The following WASF3 variants were observed in gnomAD, a reference collection of about 807,000 sequenced individuals.
WASF3 encodes WASP family member 3, also known as actin-binding protein WASF3.
WASF3 carries 11 observed loss-of-function variants against 46.6 expected under a neutral mutation model. That is an observed-to-expected ratio of 0.24 (90% CI 0.15 to 0.39). The LOEUF is 0.39. WASF3 is among the 10% of genes least tolerant of loss of function. The pLI is 1.00. For synonymous variants in WASF3, 242 were observed against 259.7 expected (o/e 0.93, Z 0.65); for missense variants, 576 against 669.8 (o/e 0.86, Z 1.55).
intron 7 of WASF3, among the ~76,000 whole-genome samples, chr13:26,678,225 CATT>C (rs1156497021): frequency 6.6e-6 from 1 of 152,068 alleles, no homozygotes; most frequent in Non-Finnish European, 1.5e-5. Context: ...TATAACTCAT[CATT>C]GTATTGGATT....
rs751706388 is a variant in WASF3, at chr13:26,681,348, C to T, written c.983+28C>T. On this transcript the variant is annotated intron_variant, in intron 8 of 9. Transcript: ENST00000335327. The stretch of plus-strand genomic sequence containing the variant: ...AACTCAGCATGCCTTGTACCCTAAT[C>T]CCTCCTGGCCTTGCATTTGAATCTT... 7.9e-6 allele frequency: 12 copies of T among 1,519,972 alleles called. No homozygotes were observed. In the South Asian group the frequency reaches 1.6e-4, roughly 20 times the overall value. 94.2% of individuals were successfully genotyped at this position (1,519,972 alleles called of 1,614,324 possible).
chr13:26,624,093 CAAA>C (rs200574948), intron 2 of WASF3, among the ~76,000 whole-genome samples: 1 of 151,736 alleles, frequency 6.6e-6, no homozygotes, highest in Non-Finnish European at 1.5e-5. Context: ...AATTATGAGA[CAAA>C]AAAGGCAAGA....
chr13:26,653,608 T>C (rs1003048945), intron 3 of WASF3, among the ~76,000 whole-genome samples: 5 of 152,194 alleles, frequency 3.3e-5, no homozygotes, highest in African/African-American at 1.2e-4. Flanking sequence ...ACCTGCACAG[T>C]GGTCCGCCAC....
intron 1 of WASF3, among the ~76,000 whole-genome samples, chr13:26,583,831 C>T (rs896039261): frequency 2.5e-4 from 38 of 152,264 alleles, no homozygotes; most frequent in African/African-American, 7.5e-4. Context: ...GCTACAGCAG[C>T]GGCAGATAGT....
intron 1 of WASF3, among the ~76,000 whole-genome samples, chr13:26,577,943 T>C (rs758331795): frequency 1.1e-4 from 16 of 152,228 alleles, no homozygotes; most frequent in Non-Finnish European, 2.4e-4. Flanking sequence ...GATTTCTTTA[T>C]ATTAATTTGT....
intron 1 of WASF3, among the ~76,000 whole-genome samples, chr13:26,598,810 CT>C (rs1405440277): frequency 1.3e-5 from 2 of 152,210 alleles, no homozygotes; most frequent in African/African-American, 4.8e-5. Context: ...TATTTATACT[CT>C]TTCGATGGCT....
intron 1 of WASF3, among the ~76,000 whole-genome samples, chr13:26,594,446 C>A (rs186496997): frequency 6.6e-6 from 1 of 152,340 alleles, no homozygotes; most frequent in East Asian, 1.9e-4. Context: ...GAGTGATCGT[C>A]AGTTCCTCCG....
chr13:26,667,580 T>C lies in WASF3; in HGVS notation c.332T>C (p.Val111Ala). The C allele has an allele frequency of 6.2e-7, 1 of 1,614,130 alleles. No homozygotes were observed. The highest frequency in any genetic ancestry group is 8.5e-7 in the Non-Finnish European group (1 of 1,179,996). Reference protein sequence around the residue: ...FKSSTVQDQQVVSKNSIPNPV... With the variant: ...FKSSTVQDQQAVSKNSIPNPV... ...AGTTCCACAGTCCAAGACCAGCAAG[T>C]GGTTTCAAAGAACAGCATTCCTAAT... The change falls in exon 5 of 10, where the codon GTG (valine) becomes GCG (alanine). Residue 111 changes from valine (V) to alanine (A), a missense_variant. This residue lies in a region of WASF3 where 213 missense variants were observed against 278.0 expected (regional missense o/e 0.77). Coordinates refer to ENST00000335327, the MANE Select transcript of WASF3 (RefSeq NM_006646.6).
At chr13:26,605,920 A>G (rs937465529) in intron 1 of WASF3, among the ~76,000 whole-genome samples, 31 of 152,236 alleles carry the variant, frequency 2.0e-4, no homozygotes, top group Middle Eastern at 3.4e-3. Context: ...TTGTTTGCTC[A>G]TTTGTTTACT....
intron 1 of WASF3, among the ~76,000 whole-genome samples, chr13:26,560,342 A>G (rs940693770): frequency 1.3e-5 from 2 of 152,182 alleles, no homozygotes; most frequent in South Asian, 2.1e-4. Flanking sequence ...AATAAACAAT[A>G]TCAACACAGA....
chr13:26,674,961 C>A (rs2137490971), intron 6 of WASF3, among the ~76,000 whole-genome samples: 1 of 152,300 alleles, frequency 6.6e-6, no homozygotes, highest in South Asian at 2.1e-4. Flanking sequence ...TTAACCATTT[C>A]TTTATCTTCT....
At chr13:26,621,280 C>T (rs1248932005) in intron 2 of WASF3, among the ~76,000 whole-genome samples, 6 of 152,096 alleles carry the variant, frequency 3.9e-5, no homozygotes, top group African/African-American at 1.4e-4. Flanking sequence ...TTCGTTTGTT[C>T]AGTTTTTGCA....
intron 3 of WASF3, among the ~76,000 whole-genome samples, chr13:26,646,948 T>A (rs191219815): frequency 3.5e-4 from 53 of 152,330 alleles, no homozygotes; most frequent in Non-Finnish European, 6.2e-4. Flanking sequence ...GAAAAGAATC[T>A]GGTCTTAGAT....
At chr13:26,584,804 A>G (rs1386725919) in intron 1 of WASF3, among the ~76,000 whole-genome samples, 1 of 152,196 alleles carries the variant, frequency 6.6e-6, no homozygotes, top group African/African-American at 2.4e-5. Context: ...CAGTTTTGGA[A>G]TTTCTTGCAA....
chr13:26,577,280 C>A, intron 1 of WASF3: 1 of 742,836 alleles, frequency 1.3e-6, no homozygotes, highest in African/African-American at 1.7e-5. Flanking sequence ...CCGATGGTTA[C>A]TTGCTTTGTC....
Position 26,557,776 on chromosome 13 carries a change from A to C in WASF3, c.-152A>C, listed in dbSNP as rs1296812119. 2 of 267,220 alleles carry C rather than the reference A, an allele frequency of 7.5e-6. No individual in the cohort carries two copies. The highest frequency in any genetic ancestry group is 1.4e-5 in the Non-Finnish European group (2 of 143,466). 16.6% of individuals were successfully genotyped at this position (267,220 alleles called of 1,614,324 possible). A position where few individuals can be genotyped will look rare whatever the true frequency, so the allele number is the denominator to read the frequency against. On this transcript the variant is annotated 5_prime_UTR_variant, in exon 1 of 10. Transcript: ENST00000335327. Reference sequence around the variant, plus strand: ...CGGCCGCGGCGCGGCGGGACCATGGAGCTCAGAGCGCAGCCCCGGCGCCGG... The same window carrying C: ...CGGCCGCGGCGCGGCGGGACCATGGCGCTCAGAGCGCAGCCCCGGCGCCGG...
intron 1 of WASF3, among the ~76,000 whole-genome samples, chr13:26,602,741 GT>G (rs199605495): frequency 0.011 from 1,670 of 152,202 alleles, 23 homozygotes; most frequent in Non-Finnish European, 0.015. Flanking sequence ...TTGAAATATA[GT>G]TTGATTTTGG....
intron 1 of WASF3, among the ~76,000 whole-genome samples, chr13:26,567,814 TAC>T (rs1216780652): frequency 6.6e-6 from 1 of 152,068 alleles, no homozygotes; most frequent in Non-Finnish European, 1.5e-5. Flanking sequence ...CGTGTATATA[TAC>T]GTGTGTGTGT....
chr13:26,570,202 C>T (rs1056397903), intron 1 of WASF3, among the ~76,000 whole-genome samples: 1 of 152,082 alleles, frequency 6.6e-6, no homozygotes, highest in Admixed American at 6.6e-5. Flanking sequence ...GCAGGAGAAT[C>T]GCTTGAACCT....
Sources: gnomAD v4.1 joint callset for allele counts (sites outside exome capture counted in the v4.1 genomes callset) on GRCh38, gnomAD v4.1.1 for gene constraint, gnomAD v4.1.1 regional missense constraint, MANE v1.5 for transcripts, NCBI Gene and HGNC (gene_info 2026-07-23, HGNC 2026-07-21) for gene names.